Variants in ASAP1 observed in about 807,000 individuals in gnomAD.
ASAP1 encodes the protein arf-GAP with SH3 domain, ANK repeat and PH domain-containing protein 1.
ASAP1 carries 43 observed loss-of-function variants against 145.2 expected under a neutral mutation model. The ratio of observed to expected loss-of-function variants is 0.30; its 90% CI spans 0.23 to 0.38. The LOEUF (loss-of-function observed/expected upper bound fraction) is 0.38, where lower values mean the gene tolerates loss of function less well. Among genes scored for constraint, ASAP1 ranks in the 10% least tolerant of loss-of-function variants. The pLI is 1.00. For missense variants in ASAP1, 1,018 were observed against 1,355.3 expected, an observed-to-expected ratio of 0.75 and a Z score of 3.91; for synonymous variants, 546 against 515.5, an observed-to-expected ratio of 1.06 and a Z score of -0.80.
chr8:130,260,192 T>C (rs1199520256), intron 3 of ASAP1, among the ~76,000 whole-genome samples: 1 of 152,218 alleles, frequency 6.6e-6, no homozygotes, highest in Non-Finnish European at 1.5e-5. Flanking sequence ...TGTATAATAA[T>C]GAACTAATAG....
At chr8:130,385,350 G>T (rs1176393247) in intron 2 of ASAP1, among the ~76,000 whole-genome samples, 1 of 152,210 alleles carries the variant, frequency 6.6e-6, no homozygotes, top group African/African-American at 2.4e-5. Flanking sequence ...ACAGAGACTT[G>T]AGTGTGTCTA....
At chr8:130,311,157 A>G (rs1823318161) in intron 3 of ASAP1, among the ~76,000 whole-genome samples, 1 of 152,260 alleles carries the variant, frequency 6.6e-6, no homozygotes, top group Non-Finnish European at 1.5e-5. Flanking sequence ...TGTTCTGACT[A>G]CAAGTGACAA....
At chr8:130,113,932 C>A (rs1332418507) in intron 23 of ASAP1, among the ~76,000 whole-genome samples, 1 of 152,040 alleles carries the variant, frequency 6.6e-6, no homozygotes, top group Non-Finnish European at 1.5e-5. Context: ...CAGGCGCACA[C>A]CACCACGGCC....
At chr8:130,104,132 GTA>G (rs1564962369) in intron 24 of ASAP1, among the ~76,000 whole-genome samples, 1 of 152,116 alleles carries the variant, frequency 6.6e-6, no homozygotes, top group Non-Finnish European at 1.5e-5. Flanking sequence ...CATGCTCTGG[GTA>G]CTCAGTACAC....
Position 130,112,120 on chromosome 8 carries a change from G to T in ASAP1, c.2375C>A (p.Pro792His). The T allele has an allele frequency of 1.9e-6, 3 of 1,614,112 alleles. No individual in the cohort carries two copies. Among genetic ancestry groups the T allele is most frequent in the Non-Finnish European group, 2.5e-6 (3 of 1,179,980 alleles). ...SPTSPTTEAPPLPPRNAGKGP... is the reference protein window; with the variant it reads ...SPTSPTTEAPHLPPRNAGKGP... Reference sequence around the variant, plus strand: ...TTTCCCGGCGTTCCTAGGAGGCAGAGGGGGAGCCTCCGTGGTTGGTGATGT... The same window carrying T: ...TTTCCCGGCGTTCCTAGGAGGCAGATGGGGAGCCTCCGTGGTTGGTGATGT... The change falls in exon 24 of 30, where the codon CCT (proline) becomes CAT (histidine). Residue 792 changes from proline (P) to histidine (H), a missense_variant. By Grantham distance (77) the Pro-to-His change is moderately conservative (BLOSUM62 -2). This residue lies in a region of ASAP1 where 353 missense variants were observed against 375.4 expected (regional missense o/e 0.94). Coordinates refer to ENST00000518721, the MANE Select transcript of ASAP1 (RefSeq NM_018482.4).
chr8:130,299,370 C>A (rs1379863226), intron 3 of ASAP1, among the ~76,000 whole-genome samples: 1 of 152,174 alleles, frequency 6.6e-6, no homozygotes, highest in African/African-American at 2.4e-5. Context: ...ACAGGGAATA[C>A]AAAAGGTAAA....
chr8:130,358,247 C>T lies in ASAP1; in HGVS notation c.60-104G>A. On this transcript the variant is annotated intron_variant, in intron 2 of 29. Coordinates refer to ENST00000518721, the MANE Select transcript of ASAP1 (RefSeq NM_018482.4). This position sits in a 1 kb window ranked among gnomAD's most constrained non-coding sequence, Gnocchi z 4.1. The stretch of plus-strand genomic sequence containing the variant: ...GGCTCATGAACCCCGGCGCGCAGCC[C>T]GCCACCCGCCGCCCGGCCTGGCGCG... 2 of 858,094 alleles carry T rather than the reference C, an allele frequency of 2.3e-6. No individual in the cohort carries two copies. The highest frequency in any genetic ancestry group is 2.9e-6 in the Non-Finnish European group (2 of 683,164). 53.2% of individuals were successfully genotyped at this position (858,094 alleles called of 1,614,324 possible).
chr8:130,376,230 C>T (rs1439820397), intron 2 of ASAP1, among the ~76,000 whole-genome samples: 1 of 152,214 alleles, frequency 6.6e-6, no homozygotes, highest in Non-Finnish European at 1.5e-5. Flanking sequence ...CAAGGCTGGG[C>T]TGGGTGCTCC....
At chr8:130,136,917 C>T (rs1296045043) in intron 14 of ASAP1, 34 bp downstream of exon 14, 2 of 1,583,646 alleles carry the variant, frequency 1.3e-6, no homozygotes, top group East Asian at 2.2e-5. Flanking sequence ...TCAGAAGCCA[C>T]AATAACCAAC....
chr8:130,434,620 C>T (rs1284764292), intron 1 of ASAP1, among the ~76,000 whole-genome samples: 2 of 152,162 alleles, frequency 1.3e-5, no homozygotes, highest in African/African-American at 4.8e-5. Flanking sequence ...GCCAAGTCAC[C>T]TTAGGCAGGA....
chr8:130,367,748 G>T (rs1458021762), intron 2 of ASAP1, among the ~76,000 whole-genome samples: 1 of 152,182 alleles, frequency 6.6e-6, no homozygotes, highest in East Asian at 1.9e-4. Flanking sequence ...AAAACGCTAA[G>T]AACTGTCTGG....
chr8:130,194,661 A>C (rs1318916440), intron 5 of ASAP1, among the ~76,000 whole-genome samples: 1 of 152,048 alleles, frequency 6.6e-6, no homozygotes, highest in Non-Finnish European at 1.5e-5. Context: ...CTTCCACCTC[A>C]GATCACCAGG....
intron 3 of ASAP1, among the ~76,000 whole-genome samples, chr8:130,344,848 G>C (rs1299157863): frequency 6.6e-6 from 1 of 152,186 alleles, no homozygotes; most frequent in African/African-American, 2.4e-5. Flanking sequence ...AAAAGGTATG[G>C]GGGAGGTGGG....
At chr8:130,306,177 G>A (rs1184856307) in intron 3 of ASAP1, among the ~76,000 whole-genome samples, 1 of 152,158 alleles carries the variant, frequency 6.6e-6, no homozygotes, top group Non-Finnish European at 1.5e-5. Flanking sequence ...GGGTTTCTTA[G>A]AGAGATTCAG....
chr8:130,306,146 T>C (rs1006814647), intron 3 of ASAP1, among the ~76,000 whole-genome samples: 2 of 152,220 alleles, frequency 1.3e-5, no homozygotes, highest in Non-Finnish European at 2.9e-5. Flanking sequence ...TAAAGAATGG[T>C]GATAGTAATA....
chr8:130,151,342 G>T (rs2097645768), intron 13 of ASAP1, among the ~76,000 whole-genome samples: 1 of 115,148 alleles, frequency 8.7e-6, no homozygotes, highest in Non-Finnish European at 1.6e-5. Flanking sequence ...CTGCACTCCA[G>T]CCTGGGTGAA....
At chr8:130,356,379 AT>A (rs2138115499) in intron 3 of ASAP1, among the ~76,000 whole-genome samples, 1 of 152,328 alleles carries the variant, frequency 6.6e-6, no homozygotes, top group East Asian at 1.9e-4. Context: ...CCTTAGAAGT[AT>A]ATACAATTAG....
intron 27 of ASAP1, among the ~76,000 whole-genome samples, chr8:130,074,161 C>A (rs574526257): frequency 6.6e-6 from 1 of 150,928 alleles, no homozygotes; most frequent in African/African-American, 2.4e-5. Flanking sequence ...TATGTTAACA[C>A]TGGGTATTTG....
intron 29 of ASAP1, among the ~76,000 whole-genome samples, chr8:130,057,602 C>G (rs548721391): frequency 8.0e-4 from 122 of 152,240 alleles, no homozygotes; most frequent in African/African-American, 2.8e-3. Context: ...GTGCGTGCCA[C>G]CATGCCCAGT....
Sources: gnomAD v4.1 joint callset for allele counts (sites outside exome capture counted in the v4.1 genomes callset) on GRCh38, gnomAD v4.1.1 for gene constraint, gnomAD v4.1.1 regional missense constraint, Gnocchi (gnomAD v3.1) non-coding constraint, MANE v1.5 for transcripts, NCBI Gene and HGNC (gene_info 2026-07-23, HGNC 2026-07-21) for gene names.